MSI2: variants seen among roughly 807,000 people sequenced by gnomAD.
MSI2 encodes RNA-binding protein Musashi homolog 2.
A neutral mutation model predicts 45.6 loss-of-function variants in MSI2; 17 were observed. The observed-to-expected ratio is 0.37, with a 90% confidence interval of 0.26 to 0.56. The LOEUF (loss-of-function observed/expected upper bound fraction) is 0.56, where lower values mean the gene tolerates loss of function less well. MSI2 is among the 20% of genes least tolerant of loss of function. The pLI is 0.77. For missense variants in MSI2, 293 were observed against 444.2 expected (o/e 0.66, Z 3.06); for synonymous variants, 156 against 158.2 (o/e 0.99, Z 0.11).
intron 5 of MSI2, among the ~76,000 whole-genome samples, chr17:57,399,680 C>T (rs1014160972): frequency 6.6e-6 from 1 of 152,208 alleles, no homozygotes; most frequent in Non-Finnish European, 1.5e-5. Context: ...CAAGAGCTCC[C>T]TGGAGTCTGC....
At chr17:57,424,329 G>A (rs2084451334) in intron 6 of MSI2, among the ~76,000 whole-genome samples, 1 of 152,226 alleles carries the variant, frequency 6.6e-6, no homozygotes, top group Non-Finnish European at 1.5e-5. Context: ...CTACCTAGTA[G>A]CTCTGTTCCC....
At chr17:57,572,015 G>A (rs2087891131) in intron 7 of MSI2, among the ~76,000 whole-genome samples, 1 of 152,212 alleles carries the variant, frequency 6.6e-6, no homozygotes, top group Non-Finnish European at 1.5e-5. Flanking sequence ...TTGTTCATCT[G>A]TGCTTCAGTG....
intron 7 of MSI2, among the ~76,000 whole-genome samples, chr17:57,547,741 T>TACACACACACACACACACAC (rs34631177): frequency 8.1e-6 from 1 of 123,314 alleles, no homozygotes; most frequent in Non-Finnish European, 1.8e-5. Context: ...AGACAAAAAG[T>TACACACACACACACACACAC]ACACACACAC....
At chr17:57,466,704 A>C (rs954963689) in intron 6 of MSI2, among the ~76,000 whole-genome samples, 1 of 152,200 alleles carries the variant, frequency 6.6e-6, no homozygotes, top group Non-Finnish European at 1.5e-5. Flanking sequence ...GATATTTAAA[A>C]TATTCAGGAG....
At chr17:57,308,935 A>G (rs891113110) in intron 5 of MSI2, among the ~76,000 whole-genome samples, 5 of 152,100 alleles carry the variant, frequency 3.3e-5, no homozygotes, top group African/African-American at 1.2e-4. Context: ...CATGGAGGAA[A>G]CTGAGTTCAG....
At chr17:57,445,560 G>C (rs958654402) in intron 6 of MSI2, among the ~76,000 whole-genome samples, 13 of 142,122 alleles carry the variant, frequency 9.1e-5, no homozygotes, top group East Asian at 2.1e-4. Flanking sequence ...GTGGGGGGGG[G>C]TGCATTTAAT....
intron 7 of MSI2, among the ~76,000 whole-genome samples, chr17:57,533,903 C>T (rs747939074): frequency 7.2e-5 from 11 of 152,188 alleles, no homozygotes; most frequent in Non-Finnish European, 1.5e-4. Flanking sequence ...AGCAGCACTC[C>T]CAGCCACTGG....
At chr17:57,639,274 G>A (rs569805681) in intron 10 of MSI2, among the ~76,000 whole-genome samples, 1 of 152,368 alleles carries the variant, frequency 6.6e-6, no homozygotes, top group Non-Finnish European at 1.5e-5. Flanking sequence ...CCAGGCAGAT[G>A]ATGAGGGAGG....
chr17:57,526,669 G>A (rs1246591430), intron 6 of MSI2, among the ~76,000 whole-genome samples: 1 of 151,926 alleles, frequency 6.6e-6, no homozygotes, highest in African/African-American at 2.4e-5. Flanking sequence ...CGCATTGATG[G>A]CTTCTCTGAA....
intron 10 of MSI2, among the ~76,000 whole-genome samples, chr17:57,643,085 A>G (rs78068046): frequency 0.27 from 41,376 of 152,094 alleles, 7,233 homozygotes; most frequent in Non-Finnish European, 0.39. Flanking sequence ...GACAGATTAT[A>G]TCAGAATCTC....
At chr17:57,437,000 T>C (rs1216477560) in intron 6 of MSI2, among the ~76,000 whole-genome samples, 1 of 152,200 alleles carries the variant, frequency 6.6e-6, no homozygotes, top group East Asian at 1.9e-4. Context: ...GAGCCTGGTG[T>C]GTGCATTGTT....
rs114470823 is a variant in MSI2, at chr17:57,357,142, C to T, written c.313-44237C>T. Among the ~76,000 whole-genome samples the T allele has an allele frequency of 4.0e-3, 607 of 152,200 alleles. 2 individuals carry two copies. Among genetic ancestry groups the T allele is most frequent in the African/African-American group, 0.014 (578 of 41,520 alleles). On this transcript the variant is annotated intron_variant, in intron 5 of 13. Transcript: ENST00000284073. ...TGAGAAAACAAAGCAGCTCTGGCCC[C>T]GTTTCTCCTTGAGGACAGCCTTGTT...
intron 5 of MSI2, among the ~76,000 whole-genome samples, chr17:57,297,894 G>A (rs2332902): frequency 0.53 from 80,792 of 152,054 alleles, 24,315 homozygotes; most frequent in Middle Eastern, 0.69. Flanking sequence ...TGAGATTGCC[G>A]CAATTCAGTC....
At chr17:57,403,933 GCA>G (rs58718271) in intron 6 of MSI2, among the ~76,000 whole-genome samples, 6,860 of 149,096 alleles carry the variant, frequency 0.046, 509 homozygotes, top group African/African-American at 0.16. Context: ...GAATGAATGT[GCA>G]CACACACACA....
chr17:57,344,077 T>C (rs954468678), intron 5 of MSI2, among the ~76,000 whole-genome samples: 1 of 152,236 alleles, frequency 6.6e-6, no homozygotes, highest in Admixed American at 6.5e-5. Flanking sequence ...TGCTTTAAGA[T>C]GTTCCTCATG....
At chr17:57,418,231 A>G (rs1288064490) in intron 6 of MSI2, among the ~76,000 whole-genome samples, 1 of 152,248 alleles carries the variant, frequency 6.6e-6, no homozygotes, top group African/African-American at 2.4e-5. Flanking sequence ...ATCCCCTGTT[A>G]TAGACAGTCC....
chr17:57,530,116 G>A (rs568128412), intron 7 of MSI2, among the ~76,000 whole-genome samples: 1 of 152,194 alleles, frequency 6.6e-6, no homozygotes, highest in Non-Finnish European at 1.5e-5. Context: ...GGAGCAGACT[G>A]TCAATCTAAA....
chr17:57,298,611 A>T (rs1429333614), intron 5 of MSI2, among the ~76,000 whole-genome samples: 2 of 152,244 alleles, frequency 1.3e-5, no homozygotes, highest in Middle Eastern at 3.4e-3. Context: ...CAGTGAGCCG[A>T]GATTGCACCG....
chr17:57,480,528 G>A (rs1383817395), intron 6 of MSI2, among the ~76,000 whole-genome samples: 1 of 152,186 alleles, frequency 6.6e-6, no homozygotes, highest in East Asian at 1.9e-4. Flanking sequence ...CTTCATCAGA[G>A]TATCTGCCTT....
Sources: gnomAD v4.1 joint callset for allele counts (sites outside exome capture counted in the v4.1 genomes callset) on GRCh38, gnomAD v4.1.1 for gene constraint, MANE v1.5 for transcripts, NCBI Gene and HGNC (gene_info 2026-07-23, HGNC 2026-07-21) for gene names.